The following DAW1 variants were observed in gnomAD, a reference collection of about 807,000 sequenced individuals.
The protein encoded by DAW1 is dynein assembly factor with WD repeats 1.
Under a neutral mutation model 56.5 loss-of-function variants are expected in DAW1, and 47 were observed. That is an observed-to-expected ratio of 0.83 (90% CI 0.66 to 1.06). The LOEUF (loss-of-function observed/expected upper bound fraction) is 1.06. Ranked by LOEUF, DAW1 falls within the 50% of genes least tolerant of loss-of-function variation. The pLI, the probability that DAW1 is intolerant of heterozygous loss-of-function variation, is 0.00. For missense variants in DAW1, 505 were observed against 499.3 expected, an observed-to-expected ratio of 1.01 and a Z score of -0.11; for synonymous variants, 190 against 179.0, an observed-to-expected ratio of 1.06 and a Z score of -0.49.
chr2:227,898,121 A>G, intron 5 of DAW1, 61 bp from the exon 6 acceptor site: 1 of 1,114,084 alleles, frequency 9.0e-7, no homozygotes. Context: ...ATCTCATCTT[A>G]GTTCAGTTTA....
chr2:227,903,721 T>C (rs988764056), intron 7 of DAW1, among the ~76,000 whole-genome samples: 31 of 135,288 alleles, frequency 2.3e-4, no homozygotes, highest in Non-Finnish European at 4.5e-4. Flanking sequence ...CCCAAGTCAC[T>C]GCAACAAAAC....
At chr2:227,919,718 G>A (rs765937704) in intron 11 of DAW1, among the ~76,000 whole-genome samples, 13 of 152,210 alleles carry the variant, frequency 8.5e-5, no homozygotes, top group Non-Finnish European at 2.9e-5. Flanking sequence ...GTGATCTGAA[G>A]TTTAGATGTG....
At chr2:227,903,567 AGAGT>A (rs1431138479) in intron 7 of DAW1, among the ~76,000 whole-genome samples, 1 of 152,276 alleles carries the variant, frequency 6.6e-6, no homozygotes, top group East Asian at 1.9e-4. Flanking sequence ...CTCTGCCCAC[AGAGT>A]GAGTGCTGTG....
intron 5 of DAW1, 27 bp from the exon 6 acceptor site, chr2:227,898,155 A>C (rs757729369): frequency 7.7e-5 from 113 of 1,474,208 alleles, no homozygotes; most frequent in Non-Finnish European, 1.0e-4. Context: ...CTTTTTTTAA[A>C]TAATCTACAT....
intron 1 of DAW1, among the ~76,000 whole-genome samples, chr2:227,877,561 C>T (rs1024324036): frequency 2.4e-4 from 37 of 152,260 alleles, no homozygotes; most frequent in Non-Finnish European, 1.3e-4. Context: ...CAATGTTACA[C>T]AACCTTTTTG....
chr2:227,913,285 T>C (rs1203388737), intron 10 of DAW1, among the ~76,000 whole-genome samples: 1 of 152,208 alleles, frequency 6.6e-6, no homozygotes, highest in East Asian at 1.9e-4. Context: ...TGTTATATTA[T>C]GTGTACTTCA....
Position 227,871,640 on chromosome 2 carries a change from C to T in DAW1, c.-50C>T. 1 of 1,602,048 alleles carries T rather than the reference C, an allele frequency of 6.2e-7. No homozygotes were observed. Among genetic ancestry groups the T allele is most frequent in the Non-Finnish European group, 8.5e-7 (1 of 1,174,086 alleles). ...GCACCCGCGTCCCGCTGCTGTTTAG[C>T]CGTTTCCAAGGCTACGAAGCCCATC... On this transcript the variant is annotated 5_prime_UTR_variant, in exon 1 of 13. Transcript: ENST00000309931.
chr2:227,879,165 C>T (rs1690952891), intron 1 of DAW1, among the ~76,000 whole-genome samples: 1 of 152,116 alleles, frequency 6.6e-6, no homozygotes, highest in Non-Finnish European at 1.5e-5. Flanking sequence ...AGCCTCATCC[C>T]CCTGAAGATG....
In DAW1 at chr2:227,898,178, T is replaced by C; in HGVS notation, c.441-4T>C. 1 of 1,558,968 alleles carries C rather than the reference T, an allele frequency of 6.4e-7. No homozygotes were observed. ...AAATAATCTACATTTCTTTTAAATC[T>C]TAGTGACAAAATCGCCACTGGGTCC... On this transcript the variant is annotated splice_region_variant and splice_polypyrimidine_tract_variant and intron_variant, in intron 5 of 12. Transcript: ENST00000309931.
chr2:227,898,647 C>T (rs1691468809), intron 6 of DAW1, among the ~76,000 whole-genome samples: 1 of 152,024 alleles, frequency 6.6e-6, no homozygotes, highest in Non-Finnish European at 1.5e-5. Context: ...GTTGCTGTTT[C>T]TTTTTAGGAT....
At chr2:227,904,778 C>T in intron 7 of DAW1, 151 bp from the exon 8 acceptor site, 2 of 575,828 alleles carry the variant, frequency 3.5e-6, no homozygotes, top group Non-Finnish European at 3.0e-6. Flanking sequence ...TGCCCACGTG[C>T]AGACACTCCC....
intron 6 of DAW1, among the ~76,000 whole-genome samples, chr2:227,899,430 A>C (rs919389116): frequency 7.2e-5 from 11 of 152,224 alleles, no homozygotes; most frequent in Non-Finnish European, 8.8e-5. Context: ...GTAGTAGTAT[A>C]AAAATAATAG....
intron 5 of DAW1, among the ~76,000 whole-genome samples, chr2:227,896,577 C>T (rs17250186): frequency 0.19 from 28,768 of 148,300 alleles, 3,547 homozygotes; most frequent in Middle Eastern, 0.3. Flanking sequence ...AACACAATCA[C>T]CAAAGAATAA....
Position 227,903,058 on chromosome 2 carries a change from A to G in DAW1, c.597A>G (p.Thr199=), listed in dbSNP as rs775993386. The G allele has an allele frequency of 1.2e-6, 2 of 1,614,222 alleles. No homozygotes were observed. The change falls in exon 7 of 13, where the codon ACA becomes ACG. Residue 199 remains threonine, a synonymous_variant. Transcript: ENST00000309931. The part of the protein sequence containing the change: ...STLVATGSMD[T]TAKLWDIQNG... ...TGGTGGCGACTGGAAGTATGGACACAACAGCCAAATTGTGGGACATTCAGA... is the reference window on the plus strand; with the variant it reads ...TGGTGGCGACTGGAAGTATGGACACGACAGCCAAATTGTGGGACATTCAGA...
In DAW1 at chr2:227,918,972, A is replaced by T. The variant is rs375885713; in HGVS notation, c.1050+116A>T. The stretch of plus-strand genomic sequence containing the variant: ...CACTTTGAGAGGAAAAGGTGAGAAG[A>T]TTGCTTGAGGCCAGGAGTTCAAGAC... On this transcript the variant is annotated intron_variant, in intron 11 of 12. Transcript: ENST00000309931. The T allele has an allele frequency of 1.1e-4, 120 of 1,074,504 alleles. 1 individual carries two copies. The highest frequency in any genetic ancestry group is 7.5e-4 in the East Asian group (29 of 38,638). 66.6% of individuals were successfully genotyped at this position (1,074,504 alleles called of 1,614,324 possible).
intron 10 of DAW1, among the ~76,000 whole-genome samples, chr2:227,913,921 A>G (rs868616450): frequency 1.7e-4 from 18 of 107,206 alleles, no homozygotes; most frequent in African/African-American, 6.2e-4. Context: ...CTGTCTGTCT[A>G]TCTATCTTCA....
rs1691850271 is a variant in DAW1 at position 227,912,376 on chromosome 2, G to A, written c.973+5124G>A. The A allele has an allele frequency of 3.1e-6, 4 of 1,304,616 alleles. No homozygotes were observed. In the South Asian group the frequency reaches 3.7e-5, roughly 12 times the overall value. 80.8% of individuals were successfully genotyped at this position (1,304,616 alleles called of 1,614,324 possible). A position where few individuals can be genotyped will look rare whatever the true frequency, so the allele number is the denominator to read the frequency against. ...GCCGCCCGAGTTATGTCACGTTCTT[G>A]GTAATCATGTTTGATGTTATCCGGT... On this transcript the variant is annotated intron_variant, in intron 10 of 12. Transcript: ENST00000309931.
At chr2:227,921,069 A>G (rs1715838) in intron 11 of DAW1, among the ~76,000 whole-genome samples, 73,660 of 151,978 alleles carry the variant, frequency 0.48, 18,323 homozygotes, top group Middle Eastern at 0.63. Context: ...AGGGCCCTGC[A>G]TCTTTGCACA....
chr2:227,891,682 C>A (rs999958154), intron 4 of DAW1, among the ~76,000 whole-genome samples: 1 of 152,192 alleles, frequency 6.6e-6, no homozygotes, highest in African/African-American at 2.4e-5. Flanking sequence ...AGCTTCAAGT[C>A]TCTGTTGAGA....
Sources: allele counts gnomAD v4.1 joint callset (sites outside exome capture counted in the v4.1 genomes callset), GRCh38; gene constraint gnomAD v4.1.1; transcripts MANE v1.5; gene names NCBI Gene and HGNC (gene_info 2026-07-23, HGNC 2026-07-21).